LINGO2: variants seen among roughly 807,000 people sequenced by gnomAD.
LINGO2 encodes the protein leucine-rich repeat and immunoglobulin-like domain-containing nogo receptor-interacting protein 2.
LINGO2 carries 14 observed loss-of-function variants against 30.6 expected under a neutral mutation model. The observed-to-expected ratio is 0.46, with a 90% confidence interval of 0.30 to 0.72. The LOEUF is 0.72. Among genes scored for constraint, LINGO2 ranks in the 30% least tolerant of loss-of-function variants. The pLI is 0.07. For synonymous variants in LINGO2, 317 were observed against 288.5 expected, an observed-to-expected ratio of 1.10 and a Z score of -1.00; for missense variants, 729 against 751.7, an observed-to-expected ratio of 0.97 and a Z score of 0.35.
At chr9:27,944,787 G>A (rs1385964522), downstream of LINGO2, among the ~76,000 whole-genome samples, 1 of 152,062 alleles carries the variant, frequency 6.6e-6, no homozygotes, top group African/African-American at 2.4e-5. Context: ...GGTCCCAAAG[G>A]TTTTGTTACT....
intron 4 of LINGO2, among the ~76,000 whole-genome samples, chr9:28,254,238 C>T (rs1003985617): frequency 6.6e-6 from 1 of 151,966 alleles, no homozygotes; most frequent in African/African-American, 2.4e-5. Flanking sequence ...TTAATATTAA[C>T]AATGCTACCA....
chr9:28,437,754 G>A (rs1824012777), intron 2 of LINGO2, among the ~76,000 whole-genome samples: 1 of 152,088 alleles, frequency 6.6e-6, no homozygotes, highest in Admixed American at 6.5e-5. Context: ...CCTATAGAAA[G>A]ATAGAGAACA....
chr9:28,049,595 T>TAA (rs1824578348), intron 4 of LINGO2, among the ~76,000 whole-genome samples: 1 of 150,718 alleles, frequency 6.6e-6, no homozygotes, highest in African/African-American at 2.5e-5. Flanking sequence ...ATTTTACCGC[T>TAA]TATTAGCTTA....
At chr9:28,005,719 A>G (rs982072982) in intron 5 of LINGO2, among the ~76,000 whole-genome samples, 13 of 152,074 alleles carry the variant, frequency 8.5e-5, no homozygotes, top group African/African-American at 2.9e-4. Context: ...CAATGAATTT[A>G]TTTTTAATAT....
chr9:27,958,068 T>C (rs1236181331), intron 5 of LINGO2, among the ~76,000 whole-genome samples: 2 of 152,178 alleles, frequency 1.3e-5, no homozygotes, highest in Non-Finnish European at 2.9e-5. Context: ...CACCATTAAG[T>C]TTGATGTTAG....
intron 4 of LINGO2, among the ~76,000 whole-genome samples, chr9:28,188,777 T>A (rs1819636625): frequency 6.6e-6 from 1 of 152,142 alleles, no homozygotes; most frequent in Admixed American, 6.6e-5. Context: ...ATAATGCTAT[T>A]CCTACTGTCA....
chr9:28,483,614 T>C lies in LINGO2; in HGVS notation c.-364-7589A>G, dbSNP rs182663803. On this transcript the variant is annotated intron_variant, in intron 1 of 5. Coordinates refer to ENST00000379992, the Ensembl canonical transcript of LINGO2. ...CTTGAGTCACATTCAGGCCTTAAAA[T>C]AACTGTTAAGTATGTACTTTCTATT... 3.2e-3 allele frequency among the ~76,000 whole-genome samples: 482 copies of C among 152,114 alleles called. 2 individuals are homozygous for C. The highest frequency in any genetic ancestry group is 0.011 in the African/African-American group (456 of 41,524).
At chr9:28,656,834 G>A (rs949415782) in intron 1 of LINGO2, among the ~76,000 whole-genome samples, 2 of 152,040 alleles carry the variant, frequency 1.3e-5, no homozygotes, top group African/African-American at 4.8e-5. Context: ...ATAGATAGTG[G>A]TAGAAATAGA....
intron 4 of LINGO2, among the ~76,000 whole-genome samples, chr9:28,161,784 T>C (rs1828294634): frequency 6.6e-6 from 1 of 152,080 alleles, no homozygotes; most frequent in African/African-American, 2.4e-5. Flanking sequence ...TCAGAAATTT[T>C]GCTCTTCAGG....
the LINGO2 span, among the ~76,000 whole-genome samples, chr9:28,922,376 A>T: frequency 9.3e-5 from 14 of 150,304 alleles, no homozygotes; most frequent in South Asian, 2.9e-3. Flanking sequence ...AAAGAGTCAG[A>T]TTTTTTTTTT....
intron 5 of LINGO2, among the ~76,000 whole-genome samples, chr9:27,956,000 C>T (rs1819548302): frequency 7.2e-6 from 1 of 138,368 alleles, no homozygotes; most frequent in Admixed American, 8.3e-5. Flanking sequence ...AGTGCAATGG[C>T]ATGATCTTGG....
chr9:28,187,421 C>T (rs564499605), intron 4 of LINGO2, among the ~76,000 whole-genome samples: 1 of 149,854 alleles, frequency 6.7e-6, no homozygotes, highest in East Asian at 2.0e-4. Context: ...GCCTGGGAGA[C>T]GGAGGTTGCA....
the LINGO2 span, among the ~76,000 whole-genome samples, chr9:28,727,289 C>G: frequency 6.9e-6 from 1 of 145,834 alleles, no homozygotes; most frequent in African/African-American, 2.5e-5. Context: ...AAAAATCCTT[C>G]TTTTTTTTTT....
chr9:28,053,357 A>G (rs571341812), intron 4 of LINGO2, among the ~76,000 whole-genome samples: 2 of 152,060 alleles, frequency 1.3e-5, no homozygotes, highest in African/African-American at 4.8e-5. Context: ...CGTAAGAGAC[A>G]AAACTAGAAT....
At chr9:28,719,930 C>T in the LINGO2 span, among the ~76,000 whole-genome samples, 2 of 152,046 alleles carry the variant, frequency 1.3e-5, no homozygotes, top group Non-Finnish European at 2.9e-5. Flanking sequence ...TTTCTACTTC[C>T]TTTTCTTTCC....
Position 28,189,457 on chromosome 9 carries a change from A to G in LINGO2, c.-87+105751T>C, listed in dbSNP as rs866509781. ...GAAGGAAGGGAGGGAGGAAGGAAGG[A>G]AGGGAGGGAGGAAGGAAGGGAGGGA... On this transcript the variant is annotated intron_variant, in intron 4 of 5. Transcript: ENST00000379992. Among the ~76,000 whole-genome samples, 179 of 25,004 alleles carry G rather than the reference A, an allele frequency of 7.2e-3. 1 individual carries two copies. The highest frequency in any genetic ancestry group is 9.0e-3 in the Admixed American group (18 of 2,002). The allele number at this position is 25,004 out of a possible 152,430, so 16.4% of individuals were successfully genotyped here.
the LINGO2 span, among the ~76,000 whole-genome samples, chr9:29,107,123 T>C: frequency 4.6e-5 from 7 of 152,246 alleles, no homozygotes; most frequent in Admixed American, 3.3e-4. Context: ...TAACATCACA[T>C]AAATAAAATT....
chr9:28,092,045 A>G (rs140345795), intron 4 of LINGO2, among the ~76,000 whole-genome samples: 1 of 152,266 alleles, frequency 6.6e-6, no homozygotes, highest in South Asian at 2.1e-4. Context: ...GTCAGGAAAC[A>G]ACAGGTGCTG....
At chr9:28,164,049 T>C (rs1828360269) in intron 4 of LINGO2, among the ~76,000 whole-genome samples, 1 of 152,188 alleles carries the variant, frequency 6.6e-6, no homozygotes, top group Admixed American at 6.6e-5. Context: ...GAGTAAATTT[T>C]CTCTAAATAT....
Sources: gnomAD v4.1 joint callset for allele counts (sites outside exome capture counted in the v4.1 genomes callset) on GRCh38, gnomAD v4.1.1 for gene constraint, MANE v1.5 for transcripts, NCBI Gene and HGNC (gene_info 2026-07-23, HGNC 2026-07-21) for gene names.